Variants in TRPC7 observed in about 807,000 individuals in gnomAD.
The protein encoded by TRPC7 is short transient receptor potential channel 7.
In TRPC7, 42 loss-of-function variants were observed where a neutral mutation model predicts 90.1. That is an observed-to-expected ratio of 0.47 (90% CI 0.36 to 0.60). The LOEUF (loss-of-function observed/expected upper bound fraction) is 0.60, where lower values mean the gene tolerates loss of function less well. Among genes scored for constraint, TRPC7 ranks in the 20% least tolerant of loss-of-function variants. TRPC7 has a pLI of 0.00. For missense variants in TRPC7, 955 were observed against 1,112.3 expected, an observed-to-expected ratio of 0.86 and a Z score of 2.01; for synonymous variants, 451 against 436.3, an observed-to-expected ratio of 1.03 and a Z score of -0.42.
At chr5:136,335,268 G>C (rs770669798) in intron 2 of TRPC7, among the ~76,000 whole-genome samples, 6 of 152,024 alleles carry the variant, frequency 3.9e-5, no homozygotes, top group African/African-American at 7.2e-5. Context: ...ACCCTGGTAA[G>C]TCCTGCAGAC....
intron 3 of TRPC7, among the ~76,000 whole-genome samples, chr5:136,281,654 C>A (rs187536320): frequency 6.6e-6 from 1 of 152,226 alleles, no homozygotes; most frequent in African/African-American, 2.4e-5. Context: ...TCAGCCTGCC[C>A]ACGTGTCAAT....
Position 136,247,779 on chromosome 5 carries a change from A to T in TRPC7, c.1580-44T>A. On this transcript the variant is annotated intron_variant, in intron 6 of 11. Coordinates refer to ENST00000513104, the MANE Select transcript of TRPC7 (RefSeq NM_020389.3). The surrounding 1 kb of genome is among the most constrained non-coding windows in gnomAD (Gnocchi z 4.2). ...GGTTACTCACGAGGCCACAGGATCT[A>T]TTCTAGAAGAGAAACCAGTTAGGCA... 6.4e-7 allele frequency: 1 copy of T among 1,574,370 alleles called. No homozygotes were observed. Among genetic ancestry groups the T allele is most frequent in the Non-Finnish European group, 8.6e-7 (1 of 1,160,096 alleles).
chr5:136,260,411 G>A (rs779150481), intron 5 of TRPC7, among the ~76,000 whole-genome samples: 11 of 152,108 alleles, frequency 7.2e-5, no homozygotes, highest in South Asian at 6.2e-4. Flanking sequence ...CTCACTCTGC[G>A]GAGGATACTG....
rs562041256 is a variant in TRPC7 at position 136,272,084 on chromosome 5, G to A, written c.1128+2589C>T. Among the ~76,000 whole-genome samples the A allele has an allele frequency of 2.6e-5, 4 of 152,298 alleles. No individual in the cohort carries two copies. The East Asian group carries it at 7.7e-4, about 29-fold the overall frequency. ...CATTGATGGGCATTAGTTAGTTGACGAAGTTTGCAAGTGACATTTTATGAA... is the reference window on the plus strand; with the variant it reads ...CATTGATGGGCATTAGTTAGTTGACAAAGTTTGCAAGTGACATTTTATGAA... On this transcript the variant is annotated intron_variant, in intron 4 of 11. Coordinates refer to ENST00000513104, the MANE Select transcript of TRPC7 (RefSeq NM_020389.3).
intron 2 of TRPC7, among the ~76,000 whole-genome samples, chr5:136,322,660 T>C (rs2149842363): frequency 6.6e-6 from 1 of 152,310 alleles, no homozygotes; most frequent in South Asian, 2.1e-4. Flanking sequence ...CAGGCAACTA[T>C]GCCCTGCATG....
At chr5:136,226,801 T>A (rs1161586881) in intron 8 of TRPC7, among the ~76,000 whole-genome samples, 7 of 152,202 alleles carry the variant, frequency 4.6e-5, no homozygotes, top group Admixed American at 4.6e-4. Context: ...ATGCAGTAGA[T>A]CAAAAATATC....
intron 11 of TRPC7, among the ~76,000 whole-genome samples, chr5:136,215,385 C>T (rs1301658269): frequency 1.3e-5 from 2 of 152,174 alleles, no homozygotes; most frequent in Admixed American, 6.5e-5. Flanking sequence ...CCCTGATGTT[C>T]TGCCTGTGGG....
At chr5:136,362,877 C>T (rs1229608615) in intron 1 of TRPC7, among the ~76,000 whole-genome samples, 2 of 152,130 alleles carry the variant, frequency 1.3e-5, no homozygotes, top group Non-Finnish European at 2.9e-5. Flanking sequence ...GTGCCCTGTA[C>T]TCCTGATGCC....
chr5:136,308,116 C>A (rs1758707254), intron 3 of TRPC7, among the ~76,000 whole-genome samples: 1 of 152,108 alleles, frequency 6.6e-6, no homozygotes, highest in Non-Finnish European at 1.5e-5. Flanking sequence ...TTTTTCCAGG[C>A]AGAAAAGGGA....
intron 2 of TRPC7, among the ~76,000 whole-genome samples, chr5:136,339,268 G>A (rs1324485615): frequency 2.0e-5 from 3 of 152,160 alleles, no homozygotes; most frequent in Admixed American, 1.3e-4. Context: ...AAGATGATAA[G>A]AGTCCCTTCC....
At chr5:136,250,356 T>C (rs759450568) in intron 6 of TRPC7, among the ~76,000 whole-genome samples, 21 of 152,392 alleles carry the variant, frequency 1.4e-4, no homozygotes, top group Middle Eastern at 3.4e-3. Flanking sequence ...ATCATTGTTG[T>C]ATCTTACCAT....
intron 10 of TRPC7, among the ~76,000 whole-genome samples, chr5:136,219,853 A>G (rs1244676755): frequency 6.6e-6 from 1 of 152,198 alleles, no homozygotes; most frequent in Admixed American, 6.5e-5. Flanking sequence ...TGCAAAAACC[A>G]GTTTTGCCAC....
chr5:136,225,936 T>C (rs1755612613), intron 9 of TRPC7, 98 bp downstream of exon 9: 7 of 998,116 alleles, frequency 7.0e-6, no homozygotes, highest in East Asian at 2.6e-5. Context: ...TCCCCTTGCA[T>C]GGGGTGGGGG....
chr5:136,239,873 T>C lies in TRPC7; in HGVS notation c.1844+7598A>G, dbSNP rs182632284. Reference sequence around the variant, plus strand: ...GATTAACATCTATCTTCTCAAACAGTCTGCAAGTTTCATGAGGGGAGGGAC... The same window carrying C: ...GATTAACATCTATCTTCTCAAACAGCCTGCAAGTTTCATGAGGGGAGGGAC... On this transcript the variant is annotated intron_variant, in intron 7 of 11. Coordinates refer to ENST00000513104, the MANE Select transcript of TRPC7 (RefSeq NM_020389.3). Among the ~76,000 whole-genome samples, 3 of 152,294 alleles carry C rather than the reference T, an allele frequency of 2.0e-5. No individual in the cohort carries two copies. In the East Asian group the frequency reaches 5.8e-4, roughly 29 times the overall value.
chr5:136,347,602 A>T (rs1266599240), intron 2 of TRPC7, among the ~76,000 whole-genome samples: 3 of 152,236 alleles, frequency 2.0e-5, no homozygotes, highest in African/African-American at 7.2e-5. Flanking sequence ...TTCTGGAGTT[A>T]TCACTTCTGA....
Position 136,247,837 on chromosome 5 carries a change from T to C in TRPC7, c.1580-102A>G. The stretch of plus-strand genomic sequence containing the variant: ...AGGTCTCCAACTGCATCATTTGCCA[T>C]TCTTGTCCTTGTCCTTAAATTAATC... On this transcript the variant is annotated intron_variant, in intron 6 of 11. Coordinates refer to ENST00000513104, the MANE Select transcript of TRPC7 (RefSeq NM_020389.3). The surrounding 1 kb of genome is among the most constrained non-coding windows in gnomAD (Gnocchi z 4.2). The C allele has an allele frequency of 7.1e-7, 1 of 1,410,766 alleles. No individual in the cohort carries two copies. Among genetic ancestry groups the C allele is most frequent in the Non-Finnish European group, 9.6e-7 (1 of 1,044,620 alleles). 87.4% of individuals were successfully genotyped at this position (1,410,766 alleles called of 1,614,324 possible).
intron 3 of TRPC7, among the ~76,000 whole-genome samples, chr5:136,303,548 G>T (rs773580922): frequency 1.5e-4 from 23 of 152,140 alleles, no homozygotes; most frequent in Non-Finnish European, 2.9e-4. Context: ...CAGTGGCCAG[G>T]CATTCCTCCA....
rs114124014 is a variant in TRPC7, at chr5:136,229,036, C to T, written c.2040+2318G>A. On this transcript the variant is annotated intron_variant, in intron 8 of 11. Coordinates refer to ENST00000513104, the MANE Select transcript of TRPC7 (RefSeq NM_020389.3). ...TGCCTGTTAGGATATGGCAGATTGC[C>T]GGGGGGAGTGGTGCAGAGACCTGCA... Among the ~76,000 whole-genome samples, 296 of 152,254 alleles carry T rather than the reference C, an allele frequency of 1.9e-3. 1 individual carries two copies. Among genetic ancestry groups the T allele is most frequent in the African/African-American group, 6.9e-3 (285 of 41,554 alleles).
chr5:136,226,488 A>G (rs1755635978), intron 8 of TRPC7: 1 of 541,676 alleles, frequency 1.8e-6, no homozygotes, highest in East Asian at 3.0e-5. Flanking sequence ...AGCCTCGACC[A>G]GTTCATATTA....
Sources: allele counts gnomAD v4.1 joint callset (sites outside exome capture counted in the v4.1 genomes callset), GRCh38; gene constraint gnomAD v4.1.1; non-coding constraint Gnocchi (gnomAD v3.1); transcripts MANE v1.5; gene names NCBI Gene and HGNC (gene_info 2026-07-23, HGNC 2026-07-21).